ZMYM2: variants seen among roughly 807,000 people sequenced by gnomAD.
The protein encoded by ZMYM2 is zinc finger MYM-type containing 2.
In ZMYM2, 56 loss-of-function variants were observed where a neutral mutation model predicts 162.8. The observed-to-expected ratio is 0.34, with a 90% CI of 0.28 to 0.43. ZMYM2 has a LOEUF of 0.43. Ranked by LOEUF, ZMYM2 falls within the 20% of genes least tolerant of loss-of-function variation. The pLI is 1.00. For missense variants in ZMYM2, 1,275 were observed against 1,621.8 expected, an observed-to-expected ratio of 0.79 and a Z score of 3.67; for synonymous variants, 510 against 541.6, an observed-to-expected ratio of 0.94 and a Z score of 0.81.
chr13:20,007,240 A>C (rs1229740616), intron 6 of ZMYM2, among the ~76,000 whole-genome samples: 2 of 151,934 alleles, frequency 1.3e-5, no homozygotes, highest in African/African-American at 4.8e-5. Flanking sequence ...GGTTCAAGTG[A>C]TTCTCCTGCC....
At chr13:20,008,558 G>T (rs1950926852) in intron 6 of ZMYM2, among the ~76,000 whole-genome samples, 1 of 152,216 alleles carries the variant, frequency 6.6e-6, no homozygotes. Flanking sequence ...TATCTCTCAA[G>T]GATAAGAGGT....
chr13:19,991,113 G>A (rs1385444143), intron 2 of ZMYM2, among the ~76,000 whole-genome samples: 14 of 145,410 alleles, frequency 9.6e-5, no homozygotes, highest in Non-Finnish European at 1.8e-4. Context: ...GTGTGTGTGT[G>A]TACGTATGTG....
chr13:20,031,453 ATG>A lies in ZMYM2; in HGVS notation c.1968+24_1968+25del, dbSNP rs1953128404. 1.3e-6 allele frequency: 2 copies of A among 1,513,898 alleles called. No individual in the cohort carries two copies. Among genetic ancestry groups the A allele is most frequent in the East Asian group, 4.6e-5 (2 of 43,476 alleles). 93.8% of individuals were successfully genotyped at this position (1,513,898 alleles called of 1,614,324 possible). A position where few individuals can be genotyped will look rare whatever the true frequency, so the allele number is the denominator to read the frequency against. ...AATGGGAGGCAAGTTGTATTTTGTAATGTGTGTTATCTAATGCTAAAAAGAAA... is the reference window on the plus strand; with the variant it reads ...AATGGGAGGCAAGTTGTATTTTGTAATGTGTTATCTAATGCTAAAAAGAAA... On this transcript the variant is annotated intron_variant, in intron 10 of 24. Coordinates refer to ENST00000610343, the MANE Select transcript of ZMYM2 (RefSeq NM_197968.4).
In ZMYM2 at chr13:20,046,564, A is replaced by AATAT. The variant is rs1555317285; in HGVS notation, c.2293-4854_2293-4851dup. The stretch of plus-strand genomic sequence containing the variant: ...GTAAGACTTTGTCTCTAAAAAAAAA[A>AATAT]ATATATATATATATATATGTGTGTG... On this transcript the variant is annotated intron_variant, in intron 12 of 24. Transcript: ENST00000610343. Among the ~76,000 whole-genome samples, 470 of 103,862 alleles carry AATAT rather than the reference A, an allele frequency of 4.5e-3. 10 individuals are homozygous for AATAT. Among genetic ancestry groups the AATAT allele is most frequent in the South Asian group, 0.026 (71 of 2,734 alleles). The allele number at this position is 103,862 out of a possible 152,430, so 68.1% of individuals were successfully genotyped here.
the ZMYM2 span, among the ~76,000 whole-genome samples, chr13:19,948,960 T>G: frequency 6.6e-6 from 1 of 152,218 alleles, no homozygotes; most frequent in African/African-American, 2.4e-5. Context: ...TGTGTATGTG[T>G]TTTTGTTTTG....
chr13:20,043,380 G>A (rs779908240), intron 12 of ZMYM2, among the ~76,000 whole-genome samples: 14 of 152,166 alleles, frequency 9.2e-5, no homozygotes, highest in Non-Finnish European at 1.6e-4. Flanking sequence ...GTTGGCTGTG[G>A]TAGGGTGCTA....
the ZMYM2 span, among the ~76,000 whole-genome samples, chr13:19,947,606 A>C: frequency 6.7e-6 from 1 of 148,428 alleles, no homozygotes; most frequent in African/African-American, 2.5e-5. Context: ...TTACAGGCAC[A>C]CGCCACCACG....
chr13:20,046,554 T>TAAAAAAAAAAAA (rs137929093), intron 12 of ZMYM2, among the ~76,000 whole-genome samples: 1 of 76,410 alleles, frequency 1.3e-5, no homozygotes, highest in Admixed American at 1.6e-4. Flanking sequence ...ACTTTGTCTC[T>TAAAAAAAAAAAA]AAAAAAAAAA....
the ZMYM2 span, among the ~76,000 whole-genome samples, chr13:19,885,956 T>TATATGTGTGTATACACAC: frequency 5.1e-5 from 4 of 77,808 alleles, 1 homozygote; most frequent in Admixed American, 1.2e-4. Context: ...TATATACACA[T>TATATGTGTGTATACACAC]ATATATGTGT....
At chr13:19,981,984 A>G (rs1412321349) in intron 2 of ZMYM2, among the ~76,000 whole-genome samples, 1 of 152,212 alleles carries the variant, frequency 6.6e-6, no homozygotes. Context: ...GTATCTTTTT[A>G]TGAAATCATG....
the ZMYM2 span, among the ~76,000 whole-genome samples, chr13:19,924,916 T>C: frequency 6.6e-6 from 1 of 151,144 alleles, no homozygotes; most frequent in Non-Finnish European, 1.5e-5. Flanking sequence ...GGAGTTTTGC[T>C]CTTGTTGCAC....
intron 6 of ZMYM2, among the ~76,000 whole-genome samples, chr13:20,009,569 T>C (rs543391917): frequency 3.5e-4 from 54 of 152,332 alleles, no homozygotes; most frequent in African/African-American, 1.3e-3. Flanking sequence ...ACTCCCATTT[T>C]TTTCTATCCC....
At chr13:19,900,568 G>A in the ZMYM2 span, among the ~76,000 whole-genome samples, 1 of 152,100 alleles carries the variant, frequency 6.6e-6, no homozygotes, top group African/African-American at 2.4e-5. Flanking sequence ...AATTAAAGAG[G>A]AGGGAGCACT....
rs371444074 is a variant in ZMYM2 at position 20,036,884 on chromosome 13, A to G, written c.2267A>G (p.Lys756Arg). 8 of 1,609,780 alleles carry G rather than the reference A, an allele frequency of 5.0e-6. No individual in the cohort carries two copies. Among genetic ancestry groups the G allele is most frequent in the African/African-American group, 4.0e-5 (3 of 74,800 alleles). The change falls in exon 12 of 25, where the codon AAA (lysine) becomes AGA (arginine). Residue 756 changes from lysine to arginine, a missense_variant. By Grantham distance (26) the Lys-to-Arg change is conservative (BLOSUM62 2). Transcript: ENST00000610343. Reference sequence around the variant, plus strand: ...GATTTCTGCAGTGAAGATTGCTGTAAAAAATTTCAGGATTGGTACTACAAG... The same window carrying G: ...GATTTCTGCAGTGAAGATTGCTGTAGAAAATTTCAGGATTGGTACTACAAG... ...VRDFCSEDCC[K>R]KFQDWYYKAA...
At chr13:19,929,506 G>A in the ZMYM2 span, among the ~76,000 whole-genome samples, 2 of 152,108 alleles carry the variant, frequency 1.3e-5, no homozygotes, top group African/African-American at 4.8e-5. Flanking sequence ...CCAAAGTGCC[G>A]GGATTACATG....
chr13:19,885,932 T>TAC, the ZMYM2 span, among the ~76,000 whole-genome samples: 2,073 of 21,474 alleles, frequency 0.097, 773 homozygotes, highest in East Asian at 0.54. Context: ...TATATGTGTA[T>TAC]ACACATATAT....
At position 20,066,939 on chromosome 13, in the gene ZMYM2, A is replaced by G. The variant is rs1361968363; in HGVS notation, c.3221A>G (p.Tyr1074Cys). The G allele has an allele frequency of 1.2e-6, 2 of 1,613,606 alleles. No individual in the cohort carries two copies. The highest frequency in any genetic ancestry group is 2.2e-5 in the East Asian group (1 of 44,852). Residue 1074 changes from tyrosine to cysteine, a missense_variant, in exon 20 of 25, where the codon TAT (tyrosine) becomes TGT (cysteine). Physicochemically the swap from Tyr to Cys is radical, Grantham distance 194. Around this residue, in one of 10 missense-constraint regions of ZMYM2, gnomAD observed 229 missense variants for 283.8 expected, o/e 0.81. Coordinates refer to ENST00000610343, the MANE Select transcript of ZMYM2 (RefSeq NM_197968.4). ...TGCAGCTTTCCTTTCAAATATACGT[A>G]TGGCGTAAATGCATGGAAACACTGG... ...SECSFPFKYT[Y>C]GVNAWKHWVK...
At chr13:19,946,931 A>G in the ZMYM2 span, among the ~76,000 whole-genome samples, 1 of 152,176 alleles carries the variant, frequency 6.6e-6, no homozygotes, top group African/African-American at 2.4e-5. Flanking sequence ...TAATATCTTC[A>G]TCTCCCTACC....
At chr13:20,072,959 T>C (rs906331054) in intron 21 of ZMYM2, among the ~76,000 whole-genome samples, 1 of 151,780 alleles carries the variant, frequency 6.6e-6, no homozygotes, top group African/African-American at 2.4e-5. Flanking sequence ...CACAGGCTGG[T>C]GTGCAGTGGT....
Sources: allele counts gnomAD v4.1 joint callset (sites outside exome capture counted in the v4.1 genomes callset), GRCh38; gene constraint gnomAD v4.1.1; regional missense constraint gnomAD v4.1.1; transcripts MANE v1.5; gene names NCBI Gene and HGNC (gene_info 2026-07-23, HGNC 2026-07-21).